Variants in SHANK2 observed in about 807,000 individuals in gnomAD.
The protein encoded by SHANK2 is SH3 and multiple ankyrin repeat domains protein 2.
A neutral mutation model predicts 133.7 loss-of-function variants in SHANK2; 43 were observed. The ratio of observed to expected loss-of-function variants is 0.32; its 90% CI spans 0.25 to 0.41. The LOEUF is 0.41. Among genes scored for constraint, SHANK2 ranks in the 10% least tolerant of loss-of-function variants. The pLI, the probability that SHANK2 is intolerant of heterozygous loss-of-function variation, is 1.00. For missense variants in SHANK2, 1,994 were observed against 2,235.8 expected (o/e 0.89, Z 2.18); for synonymous variants, 1,017 against 952.8 (o/e 1.07, Z -1.24).
chr11:71,087,296 C>G (rs1435229037), intron 8 of SHANK2, among the ~76,000 whole-genome samples: 1 of 152,086 alleles, frequency 6.6e-6, no homozygotes, highest in Non-Finnish European at 1.5e-5. Flanking sequence ...GAGATGGGCC[C>G]GGAGACATTT....
chr11:71,215,722 G>A (rs1016670872), intron 2 of SHANK2, among the ~76,000 whole-genome samples: 6 of 152,282 alleles, frequency 3.9e-5, no homozygotes, highest in African/African-American at 7.2e-5. Context: ...CTGCAGGCGT[G>A]CCAGCTCAGG....
chr11:70,868,784 G>A (rs1555069619), intron 11 of SHANK2, among the ~76,000 whole-genome samples: 2 of 152,212 alleles, frequency 1.3e-5, no homozygotes. Context: ...ACAACATGCG[G>A]CCTCCTCATC....
chr11:70,747,099 G>A (rs1306703631), intron 14 of SHANK2, among the ~76,000 whole-genome samples: 2 of 151,236 alleles, frequency 1.3e-5, no homozygotes, highest in African/African-American at 4.9e-5. Flanking sequence ...GTCCCCACGA[G>A]TGACTGGGGA....
At chr11:71,170,714 A>T (rs1953296875) in intron 2 of SHANK2, among the ~76,000 whole-genome samples, 2 of 152,222 alleles carry the variant, frequency 1.3e-5, no homozygotes, top group Admixed American at 1.3e-4. Context: ...CTCCAAGGTC[A>T]CGGCAGAGCC....
chr11:70,874,541 C>A (rs1555070817), intron 11 of SHANK2, among the ~76,000 whole-genome samples: 2 of 152,004 alleles, frequency 1.3e-5, no homozygotes, highest in South Asian at 2.1e-4. Context: ...CATGTAATAA[C>A]CATCATTTTA....
chr11:71,137,723 C>A (rs1442436156), intron 3 of SHANK2, among the ~76,000 whole-genome samples: 10 of 152,132 alleles, frequency 6.6e-5, no homozygotes, highest in Non-Finnish European at 1.2e-4. Flanking sequence ...GAAAAATCCA[C>A]CCGAGGGAAA....
At chr11:71,230,517 C>T (rs187806338) in intron 1 of SHANK2, among the ~76,000 whole-genome samples, 6 of 148,872 alleles carry the variant, frequency 4.0e-5, no homozygotes, top group East Asian at 2.0e-4. Flanking sequence ...TGCAGTGAGC[C>T]GAGATCGTGC....
At chr11:70,492,260 G>T (rs889874127) in intron 22 of SHANK2, 75 bp downstream of exon 22, 2 of 1,589,542 alleles carry the variant, frequency 1.3e-6, no homozygotes, top group Non-Finnish European at 1.7e-6. Flanking sequence ...GTGCACCTCA[G>T]CTACTGAGAC....
At chr11:70,943,798 G>C in intron 10 of SHANK2, 1 of 408,892 alleles carries the variant, frequency 2.4e-6, no homozygotes, top group Admixed American at 2.6e-5. Flanking sequence ...TGGGGTATGA[G>C]CTGCTCCCCT....
chr11:71,244,580 C>G (rs1386717310), intron 1 of SHANK2, among the ~76,000 whole-genome samples: 4 of 152,202 alleles, frequency 2.6e-5, no homozygotes, highest in South Asian at 2.1e-4. Flanking sequence ...ACGGAAGCTA[C>G]AAAACTTGTG....
intron 17 of SHANK2, among the ~76,000 whole-genome samples, chr11:70,624,904 G>C (rs2060883932): frequency 6.6e-6 from 1 of 152,184 alleles, no homozygotes. Flanking sequence ...TGGCCTGCGG[G>C]GGGTGTCCCA....
intron 15 of SHANK2, among the ~76,000 whole-genome samples, chr11:70,690,451 C>T (rs1273229527): frequency 6.8e-6 from 1 of 146,894 alleles, no homozygotes; most frequent in Non-Finnish European, 1.5e-5. Context: ...GAATACTAAC[C>T]CCATTTGTAT....
intron 17 of SHANK2, chr11:70,631,665 T>G (rs117277373): frequency 0.02 from 2,989 of 152,496 alleles, 45 homozygotes; most frequent in Non-Finnish European, 0.031. Context: ...GCTGGGTGTC[T>G]GTGAGGATGC....
In SHANK2 at chr11:70,485,191, G is replaced by A. The variant is rs2058783518; in HGVS notation, c.4979+123C>T. ...AAGTGTTACTGCATTAACAGACGTG[G>A]CCCACACAGGCTTTACGAATTCCCC... is the stretch of plus-strand genomic sequence containing the variant. On this transcript the variant is annotated intron_variant, in intron 25 of 25. Transcript: ENST00000601538. The surrounding 1 kb of genome is among the most constrained non-coding windows in gnomAD (Gnocchi z 5.8). The A allele has an allele frequency of 6.4e-6, 5 of 786,834 alleles. No individual in the cohort carries two copies. Among genetic ancestry groups the A allele is most frequent in the Non-Finnish European group, 1.1e-5 (5 of 459,164 alleles). 48.7% of individuals were successfully genotyped at this position (786,834 alleles called of 1,614,324 possible).
At chr11:71,123,039 C>T (rs1282284094) in intron 3 of SHANK2, among the ~76,000 whole-genome samples, 1 of 152,164 alleles carries the variant, frequency 6.6e-6, no homozygotes, top group Admixed American at 6.5e-5. Context: ...TCGAGCATTC[C>T]CAGCTCCCAG....
chr11:70,862,759 G>A (rs1555068079), intron 11 of SHANK2: 2 of 259,118 alleles, frequency 7.7e-6, no homozygotes, highest in South Asian at 3.4e-5. Flanking sequence ...TGGGGTGGGG[G>A]TGGGGAGCTT....
intron 2 of SHANK2, among the ~76,000 whole-genome samples, chr11:71,153,451 A>C (rs1952840065): frequency 6.6e-6 from 1 of 152,200 alleles, no homozygotes; most frequent in Admixed American, 6.5e-5. Context: ...TTTGCTGCTA[A>C]CTTGCTCCAA....
intron 17 of SHANK2, among the ~76,000 whole-genome samples, chr11:70,581,373 C>G (rs1193576602): frequency 6.6e-6 from 1 of 151,790 alleles, no homozygotes; most frequent in Non-Finnish European, 1.5e-5. Context: ...TTACTTCTCA[C>G]CAACACCATA....
rs67258133 is a variant in SHANK2, at chr11:70,764,825, T to TTCCA, written c.1777+33614_1777+33617dup. Among the ~76,000 whole-genome samples the TTCCA allele has an allele frequency of 7.5e-3, 1,119 of 149,810 alleles. 19 individuals are homozygous for TTCCA. Among genetic ancestry groups the TTCCA allele is most frequent in the African/African-American group, 0.025 (1,028 of 40,714 alleles). On this transcript the variant is annotated intron_variant, in intron 14 of 25. Coordinates refer to ENST00000601538, the MANE Select transcript of SHANK2 (RefSeq NM_012309.5). ...CTGTGCTTTATCCCTGCCTCCTCTC[T>TTCCA]TCCATCCATCCATCCATCCATCCAT...
Sources: gnomAD v4.1 joint callset for allele counts (sites outside exome capture counted in the v4.1 genomes callset) on GRCh38, gnomAD v4.1.1 for gene constraint, Gnocchi (gnomAD v3.1) non-coding constraint, MANE v1.5 for transcripts, NCBI Gene and HGNC (gene_info 2026-07-23, HGNC 2026-07-21) for gene names.